The following AGBL2 variants were observed in gnomAD, a reference collection of about 807,000 sequenced individuals.
AGBL2 encodes the protein cytosolic carboxypeptidase 2.
Under a neutral mutation model 103.0 loss-of-function variants are expected in AGBL2, and 87 were observed. The ratio of observed to expected loss-of-function variants is 0.84; its 90% CI spans 0.71 to 1.01. The LOEUF is 1.01. Among genes scored for constraint, AGBL2 ranks in the 50% least tolerant of loss-of-function variants. The probability of loss-of-function intolerance (pLI) is 0.00; values close to 1 mark genes in which losing one functional copy is unlikely to be tolerated. For missense variants in AGBL2, 904 were observed against 1,023.5 expected (o/e 0.88, Z 1.59); for synonymous variants, 335 against 356.7 (o/e 0.94, Z 0.69).
chr11:47,679,980 T>A lies in AGBL2; in HGVS notation c.2009A>T (p.Gln670Leu). ...TTGAAACCCCATTTTTACCTTCATTTGGTCAGGATCACAAAAGTCCAGAAG... is the reference window on the plus strand; with the variant it reads ...TTGAAACCCCATTTTTACCTTCATTAGGTCAGGATCACAAAAGTCCAGAAG... ...DTLLDFCDPD[Q>L]MKFTQCLAEL... Residue 670 changes from glutamine (Q) to leucine (L), a missense_variant, in exon 13 of 19, where the codon CAA (glutamine) becomes CTA (leucine). By Grantham distance (113) the Gln-to-Leu change is moderately radical. Transcript: ENST00000525123. The A allele has an allele frequency of 1.2e-6, 2 of 1,602,200 alleles. No individual in the cohort carries two copies. Among genetic ancestry groups the A allele is most frequent in the Non-Finnish European group, 1.7e-6 (2 of 1,170,440 alleles).
chr11:47,686,225 G>C (rs1049233133), intron 10 of AGBL2, among the ~76,000 whole-genome samples, 176 bp from the exon 11 acceptor site: 12 of 152,028 alleles, frequency 7.9e-5, no homozygotes, highest in African/African-American at 2.9e-4. Context: ...CAGAAAACAT[G>C]TCATCAGCTT....
intron 14 of AGBL2, among the ~76,000 whole-genome samples, chr11:47,670,754 G>A (rs1293376479): frequency 4.6e-5 from 7 of 151,884 alleles, no homozygotes; most frequent in Non-Finnish European, 7.4e-5. Context: ...AGCACTTTGG[G>A]AGGCTGAGGC....
chr11:47,698,799 CTGT>C (rs2097486770), intron 8 of AGBL2, among the ~76,000 whole-genome samples: 1 of 151,816 alleles, frequency 6.6e-6, no homozygotes, highest in Admixed American at 6.6e-5. Context: ...ATATTTCATT[CTGT>C]TGTTGATTTC....
chr11:47,696,543 C>T (rs1186456037), intron 8 of AGBL2, among the ~76,000 whole-genome samples: 1 of 152,018 alleles, frequency 6.6e-6, no homozygotes, highest in Non-Finnish European at 1.5e-5. Flanking sequence ...GGATTAGAGG[C>T]CTGAACTACC....
chr11:47,705,810 G>A, intron 5 of AGBL2, 54 bp downstream of exon 5: 2 of 1,506,296 alleles, frequency 1.3e-6, no homozygotes, highest in South Asian at 2.2e-5. Context: ...AGGTGATGAA[G>A]ACATAGTCCA....
At position 47,704,747 on chromosome 11, in the gene AGBL2, G is replaced by A. The variant is rs1463015004; in HGVS notation, c.401-19C>T. ...TGTGAATCTGCCAAAGGGAAAGAGAGTAAGTGAACATCTTCCTTTTCCTCC... is the reference window on the plus strand; with the variant it reads ...TGTGAATCTGCCAAAGGGAAAGAGAATAAGTGAACATCTTCCTTTTCCTCC... On this transcript the variant is annotated intron_variant, in intron 6 of 18. Coordinates refer to ENST00000525123, the MANE Select transcript of AGBL2 (RefSeq NM_024783.4). 1.2e-6 allele frequency: 2 copies of A among 1,604,034 alleles called. No individual in the cohort carries two copies. The highest frequency in any genetic ancestry group is 2.2e-5 in the South Asian group (2 of 89,996).
intron 7 of AGBL2, 44 bp downstream of exon 7, chr11:47,704,499 A>T: frequency 6.8e-7 from 1 of 1,479,688 alleles, no homozygotes; most frequent in Non-Finnish European, 9.1e-7. Flanking sequence ...AAAAAAAAAA[A>T]AGTCAGGCAG....
chr11:47,670,977 G>A (rs1199133622), intron 14 of AGBL2, among the ~76,000 whole-genome samples: 1 of 151,136 alleles, frequency 6.6e-6, no homozygotes, highest in Admixed American at 6.6e-5. Flanking sequence ...CTGGGCGACA[G>A]AGCGACACTC....
chr11:47,703,646 C>T (rs1282655211), intron 7 of AGBL2, among the ~76,000 whole-genome samples: 1 of 151,568 alleles, frequency 6.6e-6, no homozygotes, highest in African/African-American at 2.4e-5. Flanking sequence ...AAAAACTAGC[C>T]GGGTGTGGTG....
intron 14 of AGBL2, among the ~76,000 whole-genome samples, chr11:47,669,214 C>T (rs764653869): frequency 6.6e-5 from 10 of 152,166 alleles, no homozygotes; most frequent in Non-Finnish European, 1.3e-4. Context: ...ACTACAGGCT[C>T]ATGCCGCCAT....
intron 8 of AGBL2, 148 bp from the exon 9 acceptor site, chr11:47,692,404 CTTTTTTTTTT>C (rs11286504): frequency 4.0e-5 from 4 of 99,060 alleles, no homozygotes; most frequent in Admixed American, 3.6e-4. Flanking sequence ...GACTTTTAAT[CTTTTTTTTTT>C]TTTTTTTTTT....
At chr11:47,669,760 C>T (rs887506501) in intron 14 of AGBL2, among the ~76,000 whole-genome samples, 2 of 151,970 alleles carry the variant, frequency 1.3e-5, no homozygotes, top group South Asian at 2.1e-4. Context: ...TACAGGTGCC[C>T]GCCACCATGC....
At chr11:47,664,312 T>C (rs1397759425) in intron 17 of AGBL2, among the ~76,000 whole-genome samples, 1 of 151,990 alleles carries the variant, frequency 6.6e-6, no homozygotes, top group African/African-American at 2.4e-5. Flanking sequence ...AGTGGCAGGA[T>C]CACAGCTCAC....
chr11:47,701,973 C>CAA (rs11319513), intron 7 of AGBL2, among the ~76,000 whole-genome samples: 15 of 107,620 alleles, frequency 1.4e-4, no homozygotes, highest in African/African-American at 4.7e-4. Context: ...ACTCTGTTCT[C>CAA]AAAAAAAAAA....
At chr11:47,705,678 G>A (rs1301793205) in intron 5 of AGBL2, 44 bp from the exon 6 acceptor site, 4 of 618,210 alleles carry the variant, frequency 6.5e-6, no homozygotes, top group Admixed American at 5.5e-5. Context: ...AAGAAGAAAG[G>A]GAATGAGGAA....
At chr11:47,694,601 G>C (rs2097460070) in intron 8 of AGBL2, among the ~76,000 whole-genome samples, 2 of 152,126 alleles carry the variant, frequency 1.3e-5, no homozygotes, top group South Asian at 4.1e-4. Context: ...TTTAAAATTT[G>C]ATAGATGCAG....
intron 10 of AGBL2, among the ~76,000 whole-genome samples, chr11:47,687,529 G>GAA (rs1013694557): frequency 7.4e-6 from 1 of 134,286 alleles, no homozygotes; most frequent in Non-Finnish European, 1.6e-5. Context: ...ATGTGAAATT[G>GAA]AAAAAAAAAA....
chr11:47,664,130 C>T (rs900927333), intron 17 of AGBL2, among the ~76,000 whole-genome samples: 11 of 152,194 alleles, frequency 7.2e-5, no homozygotes, highest in African/African-American at 2.7e-4. Flanking sequence ...GCTGGGATTA[C>T]AGGCGTGAGT....
chr11:47,714,528 C>A, intron 2 of AGBL2, 90 bp downstream of exon 2: 1 of 1,434,684 alleles, frequency 7.0e-7, no homozygotes, highest in Admixed American at 1.7e-5. Context: ...CAGAACATCC[C>A]TTCTCATCTA....
Sources: gnomAD v4.1 joint callset for allele counts (sites outside exome capture counted in the v4.1 genomes callset) on GRCh38, gnomAD v4.1.1 for gene constraint, MANE v1.5 for transcripts, NCBI Gene and HGNC (gene_info 2026-07-23, HGNC 2026-07-21) for gene names.